The following TNKS variants were observed in gnomAD, a reference collection of about 807,000 sequenced individuals.
TNKS encodes poly [ADP-ribose] polymerase tankyrase-1.
TNKS carries 72 observed loss-of-function variants against 135.8 expected under a neutral mutation model. The observed-to-expected ratio is 0.53, with a 90% confidence interval of 0.44 to 0.64. TNKS has a LOEUF of 0.64. Ranked by LOEUF, TNKS falls within the 30% of genes least tolerant of loss-of-function variation. The pLI is 0.00. For missense variants in TNKS, 1,769 were observed against 1,674.0 expected, an observed-to-expected ratio of 1.06 and a Z score of -0.99; for synonymous variants, 849 against 649.3, an observed-to-expected ratio of 1.31 and a Z score of -4.68.
At chr8:9,692,682 C>T (rs1803334426) in intron 5 of TNKS, among the ~76,000 whole-genome samples, 1 of 152,142 alleles carries the variant, frequency 6.6e-6, no homozygotes, top group Non-Finnish European at 1.5e-5. Flanking sequence ...TTGGAGGAGT[C>T]ATACTTTTTG....
At chr8:9,606,960 C>T (rs950194591) in intron 2 of TNKS, among the ~76,000 whole-genome samples, 1 of 151,990 alleles carries the variant, frequency 6.6e-6, no homozygotes, top group Non-Finnish European at 1.5e-5. Context: ...TTCTGCAGAC[C>T]TTGTTTTGCC....
At chr8:9,690,696 A>G (rs973633850) in intron 5 of TNKS, among the ~76,000 whole-genome samples, 4 of 149,312 alleles carry the variant, frequency 2.7e-5, no homozygotes, top group African/African-American at 9.9e-5. Flanking sequence ...AAATGTAAGT[A>G]AGTAAATAAA....
intron 2 of TNKS, among the ~76,000 whole-genome samples, chr8:9,585,587 A>G: frequency 6.6e-6 from 1 of 152,234 alleles, no homozygotes; most frequent in East Asian, 1.9e-4. Context: ...GCTTGAAGAC[A>G]ATGGAATAAC....
At chr8:9,700,869 T>A (rs1003672323) in intron 5 of TNKS, among the ~76,000 whole-genome samples, 3 of 152,152 alleles carry the variant, frequency 2.0e-5, no homozygotes, top group African/African-American at 7.2e-5. Flanking sequence ...CAAAGCATTG[T>A]AAATCTTACA....
chr8:9,692,430 C>T (rs1194690273), intron 5 of TNKS, among the ~76,000 whole-genome samples: 1 of 152,190 alleles, frequency 6.6e-6, no homozygotes, highest in African/African-American at 2.4e-5. Context: ...CCATCTCCCC[C>T]ATTACAAAAA....
In TNKS at chr8:9,644,267, G is replaced by A. The variant is rs539132537; in HGVS notation, c.994+28590G>A. Among the ~76,000 whole-genome samples the A allele has an allele frequency of 2.0e-5, 3 of 152,196 alleles. No individual in the cohort carries two copies. In the East Asian group the frequency reaches 5.8e-4, roughly 29 times the overall value. On this transcript the variant is annotated intron_variant, in intron 3 of 26. Coordinates refer to ENST00000310430, the MANE Select transcript of TNKS (RefSeq NM_003747.3). ...AAAAGTGGTTAAGGTGATAAATTTG[G>A]GTGAGGCTCTGGTAGTGGCTGAGGT...
chr8:9,726,858 T>C, intron 13 of TNKS, 138 bp downstream of exon 13: 3 of 688,874 alleles, frequency 4.4e-6, no homozygotes, highest in Middle Eastern at 3.2e-4. Context: ...AAATCTGTAC[T>C]ACTATTAAGG....
chr8:9,689,369 G>A (rs1290607848), intron 5 of TNKS, among the ~76,000 whole-genome samples: 1 of 152,092 alleles, frequency 6.6e-6, no homozygotes, highest in Admixed American at 6.5e-5. Context: ...GCCATCAAGA[G>A]TAAAGCTTCA....
intron 5 of TNKS, among the ~76,000 whole-genome samples, chr8:9,687,468 A>G (rs1014636409): frequency 1.3e-5 from 2 of 152,222 alleles, no homozygotes; most frequent in African/African-American, 4.8e-5. Context: ...TGTACCAATG[A>G]GGACTTGAAA....
At chr8:9,601,038 G>T in intron 2 of TNKS, among the ~76,000 whole-genome samples, 1 of 152,136 alleles carries the variant, frequency 6.6e-6, no homozygotes, top group African/African-American at 2.4e-5. Flanking sequence ...AAAAAGCATT[G>T]TTTTGCACAC....
intron 3 of TNKS, among the ~76,000 whole-genome samples, chr8:9,667,722 C>T (rs1181703269): frequency 6.6e-6 from 1 of 152,112 alleles, no homozygotes; most frequent in East Asian, 1.9e-4. Context: ...GCTGCACACA[C>T]TTCAGTTATT....
In TNKS at chr8:9,732,273, C is replaced by G. The variant is rs1161084444; in HGVS notation, c.2148-1006C>G. ...ATATTAGTTTGCTAAATTATTTTGT[C>G]TAGGCAAAGCTTAAGGCAGCTACTT... On this transcript the variant is annotated intron_variant, in intron 14 of 26. Coordinates refer to ENST00000310430, the MANE Select transcript of TNKS (RefSeq NM_003747.3). 2.6e-5 allele frequency among the ~76,000 whole-genome samples: 4 copies of G among 152,202 alleles called. No individual in the cohort carries two copies. In the East Asian group the frequency reaches 7.7e-4, roughly 29 times the overall value.
intron 3 of TNKS, among the ~76,000 whole-genome samples, chr8:9,663,224 G>C (rs1468549841): frequency 1.3e-5 from 2 of 152,220 alleles, no homozygotes; most frequent in African/African-American, 4.8e-5. Flanking sequence ...GGGAATAAAT[G>C]TGTGTTTTAA....
intron 3 of TNKS, among the ~76,000 whole-genome samples, chr8:9,625,318 C>G (rs138381386): frequency 2.0e-5 from 3 of 151,912 alleles, no homozygotes; most frequent in African/African-American, 7.2e-5. Flanking sequence ...TTTTCTTTGT[C>G]AATTTTATTG....
At chr8:9,680,899 T>A (rs564993387) in intron 5 of TNKS, 99 bp downstream of exon 5, 55 of 792,442 alleles carry the variant, frequency 6.9e-5, no homozygotes, top group Non-Finnish European at 1.1e-4. Flanking sequence ...CATGGCTTTA[T>A]TTTAACTGGC....
At chr8:9,691,767 T>C (rs562593471) in intron 5 of TNKS, among the ~76,000 whole-genome samples, 1 of 152,230 alleles carries the variant, frequency 6.6e-6, no homozygotes, top group Non-Finnish European at 1.5e-5. Context: ...AATAAAATAT[T>C]GGTATTTAAA....
At chr8:9,706,285 T>C in intron 7 of TNKS, 32 bp downstream of exon 7, 1 of 1,410,486 alleles carries the variant, frequency 7.1e-7, no homozygotes, top group Non-Finnish European at 9.3e-7. Flanking sequence ...GAGCATCATT[T>C]ACTTTTTTTT....
chr8:9,615,505 C>G, intron 2 of TNKS, 77 bp from the exon 3 acceptor site: 1 of 1,233,832 alleles, frequency 8.1e-7, no homozygotes, highest in South Asian at 1.4e-5. Flanking sequence ...ATGCCTACAC[C>G]ATGCCGAGAC....
Position 9,777,900 on chromosome 8 carries a change from G to T in TNKS, c.*1164G>T, listed in dbSNP as rs553631015. 1 of 152,646 alleles carries T rather than the reference G, an allele frequency of 6.6e-6. No individual in the cohort carries two copies. The highest frequency in any genetic ancestry group is 2.1e-4 in the South Asian group (1 of 4,824). The allele number at this position is 152,646 out of a possible 1,614,324, so 9.5% of individuals were successfully genotyped here. ...TACACACAAATGCAAGGACTTTTTTGTTTACTCCAGATTTGGGGTTTATTT... is the reference window on the plus strand; with the variant it reads ...TACACACAAATGCAAGGACTTTTTTTTTTACTCCAGATTTGGGGTTTATTT... On this transcript the variant is annotated 3_prime_UTR_variant, in exon 27 of 27. Coordinates refer to ENST00000310430, the MANE Select transcript of TNKS (RefSeq NM_003747.3).
Sources: allele counts gnomAD v4.1 joint callset (sites outside exome capture counted in the v4.1 genomes callset), GRCh38; gene constraint gnomAD v4.1.1; transcripts MANE v1.5; gene names NCBI Gene and HGNC (gene_info 2026-07-23, HGNC 2026-07-21).